Variants in MTX2 observed in about 807,000 individuals in gnomAD.
MTX2 encodes the protein metaxin 2, also known as metaxin-2.
In MTX2, 35 loss-of-function variants were observed where a neutral mutation model predicts 42.3. The observed-to-expected ratio is 0.83, with a 90% CI of 0.63 to 1.10. MTX2 has a LOEUF of 1.10. MTX2 is among the 50% of genes least tolerant of loss of function. The pLI, the probability that MTX2 is intolerant of heterozygous loss-of-function variation, is 0.00. For synonymous variants in MTX2, 119 were observed against 100.9 expected (o/e 1.18, Z -1.08); for missense variants, 307 against 304.1 (o/e 1.01, Z -0.07).
intron 1 of MTX2, chr2:176,270,314 G>A: frequency 1.5e-6 from 2 of 1,321,030 alleles, no homozygotes; most frequent in Non-Finnish European, 2.0e-6. Context: ...GGGATTACAG[G>A]CGCCCGCCAC....
At chr2:176,328,444 T>C (rs2105444306) in intron 6 of MTX2, 59 bp downstream of exon 6, 2 of 1,097,194 alleles carry the variant, frequency 1.8e-6, no homozygotes, top group Admixed American at 2.7e-5. Flanking sequence ...TCATAAAATA[T>C]AATCTTTCTT....
intron 3 of MTX2, among the ~76,000 whole-genome samples, chr2:176,321,944 T>C (rs770612570): frequency 6.7e-6 from 1 of 148,592 alleles, no homozygotes; most frequent in Admixed American, 6.7e-5. Flanking sequence ...GAAAGATGAA[T>C]TGTGGGAAAA....
At chr2:176,325,700 T>A (rs1390975967) in intron 4 of MTX2, among the ~76,000 whole-genome samples, 1 of 151,830 alleles carries the variant, frequency 6.6e-6, no homozygotes, top group Non-Finnish European at 1.5e-5. Flanking sequence ...TCTGGTAGTA[T>A]AGTAGTTACA....
chr2:176,324,594 T>C (rs1684666450), intron 4 of MTX2, among the ~76,000 whole-genome samples: 1 of 151,698 alleles, frequency 6.6e-6, no homozygotes, highest in South Asian at 2.1e-4. Context: ...ACAAACAGTT[T>C]GTATATTTAT....
At chr2:176,285,526 C>G (rs1006614861) in intron 1 of MTX2, among the ~76,000 whole-genome samples, 56 of 151,430 alleles carry the variant, frequency 3.7e-4, no homozygotes, top group African/African-American at 1.3e-3. Context: ...TACAGCCACT[C>G]CTCATTCCCA....
chr2:176,318,410 A>G (rs189743231), intron 3 of MTX2, among the ~76,000 whole-genome samples: 135 of 152,278 alleles, frequency 8.9e-4, no homozygotes, highest in African/African-American at 3.1e-3. Flanking sequence ...ACAGGCAATT[A>G]TGTTACGTGT....
chr2:176,297,751 G>A, intron 2 of MTX2, 98 bp from the exon 3 acceptor site: 1 of 599,730 alleles, frequency 1.7e-6, no homozygotes, highest in Non-Finnish European at 2.7e-6. Flanking sequence ...TTAGAATTTA[G>A]TGGTAGGCGA....
At chr2:176,315,299 C>CT (rs1343835982) in intron 3 of MTX2, among the ~76,000 whole-genome samples, 8 of 152,140 alleles carry the variant, frequency 5.3e-5, no homozygotes, top group Non-Finnish European at 1.0e-4. Context: ...TTGTAAATAC[C>CT]AGTTCCATCT....
chr2:176,337,659 T>C lies in MTX2; in HGVS notation c.787T>C (p.Ser263Pro). ...TGAAGATCGTGGTAAAGGCAGGCTGTCATAGAGTTATGTGTTAGTCTCAGG... is the reference window on the plus strand; with the variant it reads ...TGAAGATCGTGGTAAAGGCAGGCTGCCATAGAGTTATGTGTTAGTCTCAGG... ...YFEDRGKGRLS is the reference protein window; with the variant it reads ...YFEDRGKGRLP Residue 263 changes from serine to proline, a missense_variant, in exon 10 of 10, where the codon TCA becomes CCA. Transcript: ENST00000249442. The C allele has an allele frequency of 6.2e-7, 1 of 1,606,320 alleles. No homozygotes were observed. Among genetic ancestry groups the C allele is most frequent in the East Asian group, 2.2e-5 (1 of 44,594 alleles).
intron 1 of MTX2, among the ~76,000 whole-genome samples, chr2:176,281,796 A>C (rs534309909): frequency 1.3e-5 from 2 of 152,222 alleles, no homozygotes; most frequent in South Asian, 2.1e-4. Flanking sequence ...GGGGGTGAGT[A>C]GAGTAGTGCG....
chr2:176,337,045 A>G (rs1437037177), intron 9 of MTX2, among the ~76,000 whole-genome samples: 1 of 152,142 alleles, frequency 6.6e-6, no homozygotes, highest in Non-Finnish European at 1.5e-5. Context: ...TATATTTTAA[A>G]TCATCTTTGG....
chr2:176,280,690 G>A (rs1693059002), intron 1 of MTX2, among the ~76,000 whole-genome samples: 1 of 152,212 alleles, frequency 6.6e-6, no homozygotes, highest in South Asian at 2.1e-4. Context: ...TCACTCAGTA[G>A]TCAGAGCTGT....
intron 3 of MTX2, among the ~76,000 whole-genome samples, chr2:176,300,966 A>G (rs1371282312): frequency 1.3e-5 from 2 of 152,170 alleles, no homozygotes; most frequent in Non-Finnish European, 2.9e-5. Flanking sequence ...AGTAAGAGGA[A>G]TGGAAGCTTG....
chr2:176,329,469 AT>A lies in MTX2; in HGVS notation c.543+45del. 1.2e-5 allele frequency: 18 copies of A among 1,551,104 alleles called. No individual in the cohort carries two copies. In the South Asian group the frequency reaches 2.2e-4, roughly 19 times the overall value. On this transcript the variant is annotated intron_variant, in intron 8 of 9. Transcript: ENST00000249442. ...TTGACAAAACCCTCAACTTTTATGC[AT>A]TAAAAGAATCATTCTTTATATTGAT...
intron 3 of MTX2, among the ~76,000 whole-genome samples, chr2:176,322,054 T>C (rs761297054): frequency 1.2e-4 from 18 of 152,076 alleles, no homozygotes; most frequent in Non-Finnish European, 2.4e-4. Flanking sequence ...AGATCAGACA[T>C]GCATACATAA....
chr2:176,271,817 G>C (rs1247416790), intron 1 of MTX2, among the ~76,000 whole-genome samples: 2 of 152,126 alleles, frequency 1.3e-5, no homozygotes, highest in Non-Finnish European at 2.9e-5. Flanking sequence ...ATTAATTGCA[G>C]CATTATTTGT....
At position 176,324,658 on chromosome 2, in the gene MTX2, G is replaced by A. The variant is rs533298789; in HGVS notation, c.208+1194G>A. Among the ~76,000 whole-genome samples, 3 of 151,768 alleles carry A rather than the reference G, an allele frequency of 2.0e-5. No individual in the cohort carries two copies. In the South Asian group the frequency reaches 6.2e-4, roughly 31 times the overall value. ...ATGCTAAAGTTCAGATCTTTGGCAA[G>A]TGAGATATCAATATAGTTTATCTAC... On this transcript the variant is annotated intron_variant, in intron 4 of 9. Coordinates refer to ENST00000249442, the MANE Select transcript of MTX2 (RefSeq NM_006554.5).
chr2:176,333,453 C>G (rs1204588618), intron 9 of MTX2, among the ~76,000 whole-genome samples: 1 of 151,482 alleles, frequency 6.6e-6, no homozygotes, highest in Non-Finnish European at 1.5e-5. Flanking sequence ...GCGTGTAGTT[C>G]TATGAATTTT....
At chr2:176,328,214 G>A (rs369197596) in intron 5 of MTX2, 79 bp from the exon 6 acceptor site, 11 of 820,834 alleles carry the variant, frequency 1.3e-5, no homozygotes, top group African/African-American at 3.6e-5. Flanking sequence ...TGCATGTTAC[G>A]TTATTTGTTA....
Sources: allele counts gnomAD v4.1 joint callset (sites outside exome capture counted in the v4.1 genomes callset), GRCh38; gene constraint gnomAD v4.1.1; transcripts MANE v1.5; gene names NCBI Gene and HGNC (gene_info 2026-07-23, HGNC 2026-07-21).